PALLD: variants seen among roughly 807,000 people sequenced by gnomAD.
PALLD encodes the protein palladin.
A neutral mutation model predicts 123.5 loss-of-function variants in PALLD; 61 were observed. The observed-to-expected ratio is 0.49, with a 90% CI of 0.40 to 0.61. The LOEUF is 0.61. Among genes scored for constraint, PALLD ranks in the 20% least tolerant of loss-of-function variants. The pLI is 0.00. For synonymous variants in PALLD, 465 were observed against 496.4 expected, an observed-to-expected ratio of 0.94 and a Z score of 0.84; for missense variants, 1,273 against 1,377.0, an observed-to-expected ratio of 0.92 and a Z score of 1.20.
At chr4:168,829,248 G>C (rs543261036) in intron 10 of PALLD, 1 of 152,050 alleles carries the variant, frequency 6.6e-6, no homozygotes, top group Non-Finnish European at 1.5e-5. Flanking sequence ...ACTGGTCCAC[G>C]TGTACGCATC....
intron 10 of PALLD, among the ~76,000 whole-genome samples, chr4:168,717,205 A>G (rs1395398502): frequency 6.6e-6 from 1 of 152,152 alleles, no homozygotes; most frequent in Non-Finnish European, 1.5e-5. Flanking sequence ...CTAGGACCCT[A>G]GAACAGGGCC....
intron 2 of PALLD, among the ~76,000 whole-genome samples, chr4:168,576,371 G>T (rs1211416313): frequency 6.6e-6 from 1 of 151,974 alleles, no homozygotes; most frequent in South Asian, 2.1e-4. Flanking sequence ...ATCTCCAAAT[G>T]CTATCCGTCC....
intron 2 of PALLD, among the ~76,000 whole-genome samples, chr4:168,591,238 A>C (rs1771395882): frequency 6.6e-6 from 1 of 152,116 alleles, no homozygotes; most frequent in Non-Finnish European, 1.5e-5. Flanking sequence ...TCTCCAAAAG[A>C]TTTACTGGAA....
chr4:168,607,093 G>A (rs1006722059), intron 2 of PALLD, among the ~76,000 whole-genome samples: 3 of 152,168 alleles, frequency 2.0e-5, no homozygotes, highest in Admixed American at 2.0e-4. Flanking sequence ...GATGGGGATG[G>A]GAGTTGACAG....
intron 2 of PALLD, among the ~76,000 whole-genome samples, chr4:168,637,027 A>G (rs544870857): frequency 1.3e-4 from 20 of 152,326 alleles, no homozygotes; most frequent in Middle Eastern, 3.4e-3. Flanking sequence ...GTGAAGAGGA[A>G]AAGAAGAGCT....
intron 10 of PALLD, among the ~76,000 whole-genome samples, chr4:168,811,783 C>T (rs1741192697): frequency 2.4e-5 from 3 of 124,336 alleles, no homozygotes; most frequent in Non-Finnish European, 3.5e-5. Flanking sequence ...CTCTCACACA[C>T]ACACACACAC....
chr4:168,627,683 C>G (rs2710857), intron 2 of PALLD, among the ~76,000 whole-genome samples: 1 of 151,948 alleles, frequency 6.6e-6, no homozygotes, highest in Non-Finnish European at 1.5e-5. Context: ...AGAGCCAAGT[C>G]GAAAGACAAA....
At chr4:168,635,792 C>T (rs1456255073) in intron 2 of PALLD, among the ~76,000 whole-genome samples, 6 of 152,134 alleles carry the variant, frequency 3.9e-5, no homozygotes, top group African/African-American at 9.7e-5. Context: ...CCTGGATTCC[C>T]GCAGTTTGAG....
chr4:168,673,229 T>C (rs2150041397), intron 3 of PALLD, among the ~76,000 whole-genome samples: 1 of 152,212 alleles, frequency 6.6e-6, no homozygotes, highest in Middle Eastern at 3.4e-3. Context: ...CCCAGTAAAC[T>C]CATAAGGCAT....
chr4:168,795,855 A>G lies in PALLD; in HGVS notation c.1964+83932A>G, dbSNP rs184566242. ...TCCCCCGTAGCTGTGACCACAGGCA[A>G]GCACCACCACATCTGGCTATTTTTT... On this transcript the variant is annotated intron_variant, in intron 10 of 21. Transcript: ENST00000505667. Among the ~76,000 whole-genome samples, 247 of 152,088 alleles carry G rather than the reference A, an allele frequency of 1.6e-3. 1 individual carries two copies. The highest frequency in any genetic ancestry group is 5.4e-3 in the African/African-American group (226 of 41,500).
chr4:168,724,689 CTT>C (rs1164064038), intron 10 of PALLD, among the ~76,000 whole-genome samples: 1 of 140,994 alleles, frequency 7.1e-6, no homozygotes, highest in Non-Finnish European at 1.6e-5. Context: ...ACACACACAT[CTT>C]TGCTTCATTA....
intron 2 of PALLD, among the ~76,000 whole-genome samples, chr4:168,539,742 C>T (rs1268834277): frequency 6.6e-6 from 1 of 152,074 alleles, no homozygotes; most frequent in Admixed American, 6.5e-5. Flanking sequence ...CGTTGGTACC[C>T]TGTTGATTCT....
intron 2 of PALLD, among the ~76,000 whole-genome samples, chr4:168,656,644 T>A (rs1000012905): frequency 2.5e-4 from 38 of 152,234 alleles, no homozygotes; most frequent in African/African-American, 8.9e-4. Flanking sequence ...AATGGTTACC[T>A]ATTTATTTCA....
chr4:168,892,282 T>G (rs529859700), intron 11 of PALLD, among the ~76,000 whole-genome samples: 3 of 152,156 alleles, frequency 2.0e-5, no homozygotes, highest in South Asian at 2.1e-4. Flanking sequence ...CTGGAAAAAT[T>G]TGCCTGGCTC....
In PALLD at chr4:168,903,845, A is replaced by G; in HGVS notation, c.2561A>G (p.His854Arg). Reference sequence around the variant, plus strand: ...GATCTCGATGGGACCTGCTCCCTCCATACCACAGCCTCCACCCTAGATGAT... The same window carrying G: ...GATCTCGATGGGACCTGCTCCCTCCGTACCACAGCCTCCACCCTAGATGAT... ...QRDLDGTCSL[H>R]TTASTLDDDG... The change falls in exon 15 of 22, where the codon CAT (histidine) becomes CGT (arginine). Residue 854 changes from histidine to arginine, a missense_variant. Physicochemically the swap from His to Arg is conservative, Grantham distance 29. Transcript: ENST00000505667. 1 of 1,613,810 alleles carries G rather than the reference A, an allele frequency of 6.2e-7. No individual in the cohort carries two copies. The highest frequency in any genetic ancestry group is 8.5e-7 in the Non-Finnish European group (1 of 1,179,666).
intron 10 of PALLD, among the ~76,000 whole-genome samples, chr4:168,816,666 T>A (rs1742000334): frequency 6.6e-6 from 1 of 152,112 alleles, no homozygotes. Flanking sequence ...TGACTTCCAG[T>A]GATGCAACAT....
At chr4:168,718,989 C>A (rs545646774) in intron 10 of PALLD, among the ~76,000 whole-genome samples, 9 of 150,022 alleles carry the variant, frequency 6.0e-5, no homozygotes, top group Admixed American at 3.4e-4. Context: ...TTCTCTGCAA[C>A]CTCCGCCTCC....
At chr4:168,502,244 T>C (rs1466343992) in intron 1 of PALLD, among the ~76,000 whole-genome samples, 2 of 152,208 alleles carry the variant, frequency 1.3e-5, no homozygotes, top group Non-Finnish European at 2.9e-5. Context: ...CTTGCTAGTA[T>C]CCGTGTGAAA....
chr4:168,801,787 G>A (rs1739377243), intron 10 of PALLD, among the ~76,000 whole-genome samples: 1 of 152,136 alleles, frequency 6.6e-6, no homozygotes, highest in Non-Finnish European at 1.5e-5. Flanking sequence ...TGGGTGTCAG[G>A]GAACCTGCCT....
Sources: allele counts gnomAD v4.1 joint callset (sites outside exome capture counted in the v4.1 genomes callset), GRCh38; gene constraint gnomAD v4.1.1; transcripts MANE v1.5; gene names NCBI Gene and HGNC (gene_info 2026-07-23, HGNC 2026-07-21).